Variants in EFHB observed in about 807,000 individuals in gnomAD.
The protein encoded by EFHB is EF-hand domain-containing family member B.
In EFHB, 91 loss-of-function variants were observed where a neutral mutation model predicts 87.2. That is an observed-to-expected ratio of 1.04 (90% CI 0.88 to 1.24). The LOEUF (loss-of-function observed/expected upper bound fraction) is 1.24. Ranked by LOEUF, EFHB falls within the 50% of genes most tolerant of loss-of-function variation. The pLI is 0.00. For synonymous variants in EFHB, 325 were observed against 333.6 expected, an observed-to-expected ratio of 0.97 and a Z score of 0.28; for missense variants, 1,084 against 998.8, an observed-to-expected ratio of 1.09 and a Z score of -1.15.
upstream of EFHB, among the ~76,000 whole-genome samples, chr3:19,937,746 C>T (rs1302967330): frequency 1.3e-5 from 2 of 152,172 alleles, no homozygotes; most frequent in African/African-American, 4.8e-5. Context: ...TATCACTTCT[C>T]TCTCTCAGAC....
At chr3:19,894,063 T>C (rs1450290914) in intron 9 of EFHB, among the ~76,000 whole-genome samples, 1 of 152,226 alleles carries the variant, frequency 6.6e-6, no homozygotes, top group African/African-American at 2.4e-5. Flanking sequence ...GCTAAGAACA[T>C]CTGTCATGAA....
chr3:19,936,797 G>T (rs1006966318), upstream of EFHB, among the ~76,000 whole-genome samples: 24 of 151,818 alleles, frequency 1.6e-4, no homozygotes, highest in Middle Eastern at 0.01. Flanking sequence ...GAACCCAGGA[G>T]GTGGAGGTTG....
chr3:19,898,266 T>C lies in EFHB; in HGVS notation c.1570+512A>G, dbSNP rs116660070. The stretch of plus-strand genomic sequence containing the variant: ...AAAAGAGTGGTTCTTAATTATGTGG[T>C]TGTAGAGTACAGTGCTTTCTCATAT... On this transcript the variant is annotated intron_variant, in intron 8 of 12. Coordinates refer to ENST00000295824, the MANE Select transcript of EFHB (RefSeq NM_144715.4). Among the ~76,000 whole-genome samples the C allele has an allele frequency of 5.9e-3, 899 of 152,350 alleles. 7 individuals are homozygous for C. Among genetic ancestry groups the C allele is most frequent in the Non-Finnish European group, 9.5e-3 (649 of 68,034 alleles).
In EFHB at chr3:19,933,894, C is replaced by A; in HGVS notation, c.125G>T (p.Arg42Leu). ...ACTAACCACAGGGCTCTCCCCGCATCGGGAATCTTCTTTTCCTAATCCTAC... is the reference window on the plus strand; with the variant it reads ...ACTAACCACAGGGCTCTCCCCGCATAGGGAATCTTCTTTTCCTAATCCTAC... The part of the protein sequence containing the change: ...IRVGLGKEDS[R>L]CGESPVVSNK... Residue 42 changes from arginine to leucine, a missense_variant, in exon 1 of 13, where the codon CGA becomes CTA. Physicochemically the swap from Arg to Leu is moderately radical, Grantham distance 102. Coordinates refer to ENST00000295824, the MANE Select transcript of EFHB (RefSeq NM_144715.4). 6.2e-7 allele frequency: 1 copy of A among 1,613,978 alleles called. No homozygotes were observed. Among genetic ancestry groups the A allele is most frequent in the Non-Finnish European group, 8.5e-7 (1 of 1,179,880 alleles).
At chr3:19,891,110 A>G (rs1694292044) in intron 9 of EFHB, among the ~76,000 whole-genome samples, 1 of 152,148 alleles carries the variant, frequency 6.6e-6, no homozygotes, top group South Asian at 2.1e-4. Flanking sequence ...TCAGTTGTGC[A>G]GGCTGGAATG....
intron 9 of EFHB, among the ~76,000 whole-genome samples, 157 bp from the exon 10 acceptor site, chr3:19,888,808 C>T (rs1036559644): frequency 2.6e-5 from 4 of 152,142 alleles, no homozygotes; most frequent in Non-Finnish European, 2.9e-5. Context: ...CTGGTTAGAC[C>T]GTGGTAGAGC....
Position 19,933,681 on chromosome 3 carries a change from T to C in EFHB, c.338A>G (p.Asn113Ser). The C allele has an allele frequency of 3.7e-6, 6 of 1,614,014 alleles. No individual in the cohort carries two copies. The highest frequency in any genetic ancestry group is 5.1e-6 in the Non-Finnish European group (6 of 1,179,896). ...SLLPGRMGLE[N>S]ESLLAGYTHE... is the part of the protein sequence containing the mutation. The stretch of plus-strand genomic sequence containing the variant: ...GGTATATCCTGCAAGAAGACTCTCA[T>C]TTTCTAACCCCATTCTTCCTGGCAA... Residue 113 changes from asparagine (N) to serine (S), a missense_variant, in exon 1 of 13, where the codon AAT (asparagine) becomes AGT (serine). Transcript: ENST00000295824.
rs780654338 is a variant in EFHB at position 19,905,748 on chromosome 3, T to G, written c.1290A>C (p.Gly430=). 19 of 1,602,262 alleles carry G rather than the reference T, an allele frequency of 1.2e-5. No individual in the cohort carries two copies. In the African/African-American group the frequency reaches 2.3e-4, roughly 19 times the overall value. The change falls in exon 6 of 13, where the codon GGA becomes GGC. Residue 430 remains glycine (G), a splice_region_variant and synonymous_variant. Transcript: ENST00000295824. ...GGTTATACTTTCGGTTCTTTGCCTC[T>G]CCTGTGGAAAAAGAAAGGAAGACTT... The part of the protein sequence containing the change: ...YVVSHNDYYA[G]EAKNRKYNPS...
In EFHB at chr3:19,939,440, A is replaced by G. The variant is rs566411678; in HGVS notation, c.-31-3106T>C. 2.0e-3 allele frequency among the ~76,000 whole-genome samples: 237 copies of G among 120,246 alleles called. 1 individual carries two copies. Among genetic ancestry groups the G allele is most frequent in the African/African-American group, 7.3e-3 (227 of 30,968 alleles). The allele number at this position is 120,246 out of a possible 152,430, so 78.9% of individuals were successfully genotyped here. Reference sequence around the variant, plus strand: ...CTCTGTCGCGCCCAGGCTGGAGTGCAGTGGCGCGATCTTGGCTCACTGCAA... The same window carrying G: ...CTCTGTCGCGCCCAGGCTGGAGTGCGGTGGCGCGATCTTGGCTCACTGCAA... On this transcript the variant is annotated intron_variant, in intron 1 of 14. Coordinates refer to the EFHB transcript ENST00000344838.
upstream of EFHB, chr3:19,936,245 G>A (rs570753419): frequency 4.7e-5 from 36 of 764,468 alleles, no homozygotes; most frequent in South Asian, 4.8e-4. Flanking sequence ...AGCTATCTGA[G>A]AGGCTGAAGT....
intron 8 of EFHB, among the ~76,000 whole-genome samples, chr3:19,897,228 T>C (rs753831461): frequency 2.6e-5 from 4 of 152,246 alleles, no homozygotes; most frequent in Non-Finnish European, 5.9e-5. Flanking sequence ...CCACTCAGTG[T>C]GCCTTGGAAC....
intron 1 of EFHB, among the ~76,000 whole-genome samples, chr3:19,929,849 T>C (rs375998416): frequency 6.6e-6 from 1 of 151,948 alleles, no homozygotes; most frequent in South Asian, 2.1e-4. Context: ...TAATAACAAC[T>C]ACATAAAAGT....
At chr3:19,926,766 T>C (rs1695645090) in intron 1 of EFHB, among the ~76,000 whole-genome samples, 1 of 151,832 alleles carries the variant, frequency 6.6e-6, no homozygotes, top group Non-Finnish European at 1.5e-5. Context: ...GCTCAAGTGA[T>C]TCACCCACCT....
chr3:19,896,788 C>G lies in EFHB; in HGVS notation c.1624G>C (p.Asp542His), dbSNP rs1046074192. 2 of 1,613,976 alleles carry G rather than the reference C, an allele frequency of 1.2e-6. No individual in the cohort carries two copies. Among genetic ancestry groups the G allele is most frequent in the Non-Finnish European group, 8.5e-7 (1 of 1,179,890 alleles). The change falls in exon 9 of 13, where the codon GAT (aspartate) becomes CAT (histidine). Residue 542 changes from aspartate to histidine, a missense_variant. By Grantham distance (81) the Asp-to-His change is moderately conservative. Transcript: ENST00000295824. ...GCTGCAATCAGGGCTCGCTGTCTAT[C>G]CTTGCCTCGAAGATATTCATCCGGA... is the stretch of plus-strand genomic sequence containing the variant. ...RLPDEYLRGK[D>H]RQRALIAAVR...
At chr3:19,931,429 T>C (rs1039888138) in intron 1 of EFHB, among the ~76,000 whole-genome samples, 2 of 152,200 alleles carry the variant, frequency 1.3e-5, no homozygotes, top group African/African-American at 4.8e-5. Context: ...AGCTGTAAAT[T>C]GCAGAACCAA....
chr3:19,896,935 T>A, intron 8 of EFHB, 94 bp from the exon 9 acceptor site: 4 of 1,143,050 alleles, frequency 3.5e-6, no homozygotes, highest in Non-Finnish European at 4.8e-6. Context: ...GCAACCTCTG[T>A]GAATGAAAGA....
chr3:19,906,620 A>G (rs1462934190), intron 5 of EFHB, among the ~76,000 whole-genome samples: 1 of 152,116 alleles, frequency 6.6e-6, no homozygotes, highest in East Asian at 1.9e-4. Context: ...TTTTCTTAAA[A>G]TGTTCATACT....
At chr3:19,919,760 C>A in intron 3 of EFHB, 73 bp downstream of exon 3, 1 of 1,443,650 alleles carries the variant, frequency 6.9e-7, no homozygotes. Flanking sequence ...TGATGAATTT[C>A]ACTAATACCT....
At chr3:19,945,895 C>G (rs1696265742) in intron 1 of EFHB, 1 of 152,192 alleles carries the variant, frequency 6.6e-6, no homozygotes, top group African/African-American at 2.4e-5. Flanking sequence ...TATTCTCGCC[C>G]TTACAACAGA....
Sources: gnomAD v4.1 joint callset for allele counts (sites outside exome capture counted in the v4.1 genomes callset) on GRCh38, gnomAD v4.1.1 for gene constraint, MANE v1.5 for transcripts, NCBI Gene and HGNC (gene_info 2026-07-23, HGNC 2026-07-21) for gene names.